Variants in FYN observed in about 807,000 individuals in gnomAD.
The protein encoded by FYN is tyrosine-protein kinase Fyn.
In FYN, 10 loss-of-function variants were observed where a neutral mutation model predicts 70.2. The observed-to-expected ratio is 0.14, with a 90% CI of 0.09 to 0.24. The LOEUF (loss-of-function observed/expected upper bound fraction) is 0.24, where lower values mean the gene tolerates loss of function less well. FYN is among the 10% of genes least tolerant of loss of function. The pLI is 1.00. For synonymous variants in FYN, 236 were observed against 248.6 expected (o/e 0.95, Z 0.48); for missense variants, 319 against 673.1 (o/e 0.47, Z 5.82).
At chr6:111,734,696 C>A (rs1368411043) in intron 3 of FYN, among the ~76,000 whole-genome samples, 1 of 151,958 alleles carries the variant, frequency 6.6e-6, no homozygotes, top group African/African-American at 2.4e-5. Flanking sequence ...GAAGAAACGA[C>A]CCCCCCTACC....
intron 12 of FYN, among the ~76,000 whole-genome samples, chr6:111,682,935 G>A (rs922285410): frequency 3.3e-5 from 5 of 152,178 alleles, no homozygotes; most frequent in African/African-American, 1.2e-4. Flanking sequence ...AAGGCCTAAA[G>A]TCCCTGAGTT....
chr6:111,842,157 G>C (rs538742797), intron 2 of FYN, among the ~76,000 whole-genome samples: 40 of 152,298 alleles, frequency 2.6e-4, no homozygotes, highest in African/African-American at 9.6e-4. Flanking sequence ...TCCGTTGCCT[G>C]ATCACCAGCA....
chr6:111,689,156 AT>A (rs997775912), intron 12 of FYN, among the ~76,000 whole-genome samples: 1 of 152,244 alleles, frequency 6.6e-6, no homozygotes, highest in Non-Finnish European at 1.5e-5. Context: ...TGAGGTGATC[AT>A]TTTTATTATC....
intron 1 of FYN, among the ~76,000 whole-genome samples, chr6:111,849,443 C>CCTATGAA (rs1201132666): frequency 6.6e-6 from 1 of 152,230 alleles, no homozygotes; most frequent in Non-Finnish European, 1.5e-5. Context: ...CAGACATCTC[C>CCTATGAA]CTATGAACCT....
intron 3 of FYN, among the ~76,000 whole-genome samples, chr6:111,777,204 C>T (rs1199948942): frequency 3.3e-5 from 5 of 152,158 alleles, no homozygotes; most frequent in African/African-American, 1.2e-4. Context: ...AGAGGCCCAT[C>T]TGTCTGTCTG....
intron 13 of FYN, among the ~76,000 whole-genome samples, chr6:111,671,401 A>G (rs1798260394): frequency 6.6e-6 from 1 of 152,036 alleles, no homozygotes; most frequent in Admixed American, 6.6e-5. Flanking sequence ...CTTTTATAAA[A>G]CCAATTTATA....
At chr6:111,763,523 G>A (rs1383112642) in intron 3 of FYN, among the ~76,000 whole-genome samples, 1 of 152,164 alleles carries the variant, frequency 6.6e-6, no homozygotes, top group African/African-American at 2.4e-5. Context: ...TCCACTGCTT[G>A]AGAGTTAAGA....
At chr6:111,841,679 T>C (rs1773360680) in intron 2 of FYN, among the ~76,000 whole-genome samples, 2 of 152,350 alleles carry the variant, frequency 1.3e-5, no homozygotes, top group African/African-American at 4.8e-5. Flanking sequence ...CCTCAATTTT[T>C]CAACTCTTTC....
At chr6:111,738,770 A>C (rs552796231) in intron 3 of FYN, among the ~76,000 whole-genome samples, 1 of 152,312 alleles carries the variant, frequency 6.6e-6, no homozygotes, top group South Asian at 2.1e-4. Context: ...AAGAGGAAAC[A>C]TCTAGGTGGG....
intron 3 of FYN, among the ~76,000 whole-genome samples, chr6:111,724,830 T>C (rs1023674658): frequency 6.6e-6 from 1 of 152,178 alleles, no homozygotes; most frequent in South Asian, 2.1e-4. Context: ...ATTTGGCCCG[T>C]ACTTAGAGGT....
intron 2 of FYN, among the ~76,000 whole-genome samples, chr6:111,801,375 T>C (rs1039868300): frequency 2.0e-5 from 3 of 152,172 alleles, no homozygotes; most frequent in African/African-American, 7.2e-5. Flanking sequence ...TTATTTAGAA[T>C]TAGGTGGCTT....
At chr6:111,708,725 G>C (rs1294729372) in intron 5 of FYN, among the ~76,000 whole-genome samples, 4 of 152,158 alleles carry the variant, frequency 2.6e-5, no homozygotes, top group Non-Finnish European at 4.4e-5. Flanking sequence ...GAATGGCTGC[G>C]TGTGCTCGCA....
intron 3 of FYN, among the ~76,000 whole-genome samples, chr6:111,746,406 A>G (rs1802219738): frequency 6.6e-6 from 1 of 152,212 alleles, no homozygotes; most frequent in African/African-American, 2.4e-5. Context: ...AGGGTTTCAT[A>G]TAAAGGTAAT....
chr6:111,674,538 G>C lies in FYN; in HGVS notation c.1366C>G (p.Leu456Val). 6.2e-7 allele frequency: 1 copy of C among 1,614,052 alleles called. No individual in the cohort carries two copies. The highest frequency in any genetic ancestry group is 8.5e-7 in the Non-Finnish European group (1 of 1,179,952). Residue 456 changes from leucine (L) to valine (V), a missense_variant, in exon 13 of 14, where the codon CTC becomes GTC. Around this residue, in one of 4 missense-constraint regions of FYN, gnomAD observed 64 missense variants for 223.0 expected, o/e 0.29. Transcript: ENST00000354650. ...KSDVWSFGIL[L>V]TELVTKGRVP... Reference sequence around the variant, plus strand: ...CTTCCTTTGGTGACCAGCTCTGTGAGTAAGATTCCAAAAGACCACACGTCA... The same window carrying C: ...CTTCCTTTGGTGACCAGCTCTGTGACTAAGATTCCAAAAGACCACACGTCA...
chr6:111,756,149 G>A (rs1583411520), intron 3 of FYN, among the ~76,000 whole-genome samples: 2 of 152,036 alleles, frequency 1.3e-5, no homozygotes, highest in South Asian at 4.1e-4. Context: ...CATTAGGAAT[G>A]AATGAGAGAA....
chr6:111,827,601 G>A (rs1027030599), intron 2 of FYN, among the ~76,000 whole-genome samples: 7 of 152,154 alleles, frequency 4.6e-5, no homozygotes, highest in African/African-American at 7.2e-5. Flanking sequence ...GGGGGTATAC[G>A]ACAGCTTTTT....
chr6:111,721,025 C>A (rs1042706668), intron 3 of FYN, among the ~76,000 whole-genome samples: 1 of 152,146 alleles, frequency 6.6e-6, no homozygotes, highest in Non-Finnish European at 1.5e-5. Flanking sequence ...CTTCTCAGAT[C>A]CTCAAAGACT....
intron 2 of FYN, among the ~76,000 whole-genome samples, chr6:111,821,910 C>T (rs949035040): frequency 1.3e-5 from 2 of 152,094 alleles, no homozygotes; most frequent in Admixed American, 6.5e-5. Context: ...CAGAGAAATG[C>T]AAATCAAAAC....
chr6:111,710,235 G>T lies in FYN; in HGVS notation c.345-2215C>A, dbSNP rs149287574. ...AACCTTCATCAAGTTAGTTCTAATT[G>T]AATTAAATTAAGAAAAAAATGGCTA... On this transcript the variant is annotated intron_variant, in intron 5 of 13. Transcript: ENST00000354650. 4.6e-5 allele frequency among the ~76,000 whole-genome samples: 7 copies of T among 152,180 alleles called. No homozygotes were observed. In the East Asian group the frequency reaches 1.4e-3, roughly 29 times the overall value.
Sources: gnomAD v4.1 joint callset for allele counts (sites outside exome capture counted in the v4.1 genomes callset) on GRCh38, gnomAD v4.1.1 for gene constraint, gnomAD v4.1.1 regional missense constraint, MANE v1.5 for transcripts, NCBI Gene and HGNC (gene_info 2026-07-23, HGNC 2026-07-21) for gene names.